ESM1: variants seen among roughly 807,000 people sequenced by gnomAD.
ESM1 encodes endothelial cell specific molecule 1, also known as endothelial cell-specific molecule 1.
In ESM1, 7 loss-of-function variants were observed where a neutral mutation model predicts 14.9. That is an observed-to-expected ratio of 0.47 (90% CI 0.27 to 0.88). The LOEUF is 0.88. ESM1 is among the 40% of genes least tolerant of loss of function. ESM1 has a pLI of 0.14. For missense variants in ESM1, 192 were observed against 237.9 expected (o/e 0.81, Z 1.27); for synonymous variants, 89 against 89.4 (o/e 1.00, Z 0.02).
In ESM1 at chr5:54,978,319, T is replaced by C. The variant is rs1743977239; in HGVS notation, c.*1013A>G. On this transcript the variant is annotated 3_prime_UTR_variant, in exon 3 of 3. Coordinates refer to ENST00000381405, the MANE Select transcript of ESM1 (RefSeq NM_007036.5). ...ATAAGGACCCTCTGTTGCTCATTTTTTGACATTTTTGAAATCCAGAGTGAC... is the reference window on the plus strand; with the variant it reads ...ATAAGGACCCTCTGTTGCTCATTTTCTGACATTTTTGAAATCCAGAGTGAC... 1 of 152,150 alleles carries C rather than the reference T, an allele frequency of 6.6e-6. No individual in the cohort carries two copies. Among genetic ancestry groups the C allele is most frequent in the Admixed American group, 6.5e-5 (1 of 15,268 alleles). The allele number at this position is 152,150 out of a possible 1,614,324, so 9.4% of individuals were successfully genotyped here.
intron 1 of ESM1, among the ~76,000 whole-genome samples, chr5:54,982,971 T>C (rs1740422246): frequency 6.6e-6 from 1 of 152,214 alleles, no homozygotes; most frequent in African/African-American, 2.4e-5. Context: ...ATGCTGTTTT[T>C]AGGATAAACA....
intron 2 of ESM1, among the ~76,000 whole-genome samples, chr5:54,981,018 T>G (rs1352358382): frequency 6.6e-6 from 1 of 152,176 alleles, no homozygotes; most frequent in Non-Finnish European, 1.5e-5. Flanking sequence ...TTTTATAATT[T>G]TAAATACAGT....
chr5:54,982,665 C>G (rs1002268744), intron 1 of ESM1, among the ~76,000 whole-genome samples: 22 of 152,206 alleles, frequency 1.4e-4, no homozygotes, highest in African/African-American at 5.3e-4. Context: ...ATGAAGCAAT[C>G]AATCTTCCAT....
At chr5:54,985,118 T>C in intron 1 of ESM1, 99 bp downstream of exon 1, 3 of 1,087,084 alleles carry the variant, frequency 2.8e-6, no homozygotes, top group Non-Finnish European at 4.0e-6. Context: ...ACCTGCCTTT[T>C]CCCTCTTACT....
At chr5:54,980,861 T>C (rs1268480502) in intron 2 of ESM1, among the ~76,000 whole-genome samples, 1 of 152,198 alleles carries the variant, frequency 6.6e-6, no homozygotes, top group African/African-American at 2.4e-5. Context: ...AGTTTATATT[T>C]TATTAACTTG....
In ESM1 at chr5:54,985,552, G is replaced by A. The variant is rs1290364089; in HGVS notation, c.-35C>T. ...CTGCCTCCGGCTCGGCTCTCCAGTC[G>A]TGGTCTTTGCTGGTGGGAAGCAGCC... On this transcript the variant is annotated 5_prime_UTR_variant, in exon 1 of 3. In the 5' UTR this introduces an upstream ATG that the reference lacks. Coordinates refer to ENST00000381405, the MANE Select transcript of ESM1 (RefSeq NM_007036.5). 1 of 1,555,604 alleles carries A rather than the reference G, an allele frequency of 6.4e-7. No homozygotes were observed. The highest frequency in any genetic ancestry group is 8.7e-7 in the Non-Finnish European group (1 of 1,147,776).
chr5:54,983,456 C>G (rs190028802), intron 1 of ESM1, among the ~76,000 whole-genome samples: 1 of 152,312 alleles, frequency 6.6e-6, no homozygotes, highest in East Asian at 1.9e-4. Context: ...GATTGTTAAT[C>G]TGGGCAAGAT....
intron 2 of ESM1, among the ~76,000 whole-genome samples, chr5:54,981,654 T>C (rs892877304): frequency 6.6e-6 from 1 of 152,242 alleles, no homozygotes; most frequent in Non-Finnish European, 1.5e-5. Context: ...CTAGTAAATA[T>C]ATAAAACAGA....
At chr5:54,984,786 T>A (rs1223316563) in intron 1 of ESM1, among the ~76,000 whole-genome samples, 1 of 152,164 alleles carries the variant, frequency 6.6e-6, no homozygotes, top group Non-Finnish European at 1.5e-5. Flanking sequence ...GTGGACCCTT[T>A]CAAGATCAAA....
Position 54,979,392 on chromosome 5 carries a change from T to A in ESM1, c.495A>T (p.Glu165Asp). Reference sequence around the variant, plus strand: ...ACCCGGCAGCATTCTCTTTCACAACTTCTTCTCTCACAATATTGCCATCTC... The same window carrying A: ...ACCCGGCAGCATTCTCTTTCACAACATCTTCTCTCACAATATTGCCATCTC... ...ASGDGNIVRE[E>D]VVKENAAGSP... Residue 165 changes from glutamate to aspartate, a missense_variant, in exon 3 of 3, where the codon GAA becomes GAT. Glu to Asp is a conservative substitution (Grantham distance 45). Coordinates refer to ENST00000381405, the MANE Select transcript of ESM1 (RefSeq NM_007036.5). 4 of 1,613,604 alleles carry A rather than the reference T, an allele frequency of 2.5e-6. No homozygotes were observed. Among genetic ancestry groups the A allele is most frequent in the Non-Finnish European group, 3.4e-6 (4 of 1,179,652 alleles).
intron 1 of ESM1, among the ~76,000 whole-genome samples, chr5:54,982,686 C>A (rs1211710964): frequency 6.6e-6 from 1 of 152,198 alleles, no homozygotes; most frequent in Non-Finnish European, 1.5e-5. Context: ...CTGCTCCAAC[C>A]CTTATCAAGT....
chr5:54,982,173 G>A, intron 1 of ESM1, 27 bp from the exon 2 acceptor site: 1 of 1,610,702 alleles, frequency 6.2e-7, no homozygotes, highest in Admixed American at 1.7e-5. Flanking sequence ...GGTTGGAGAG[G>A]ACGCTGCTTG....
In ESM1 at chr5:54,985,412, C is replaced by T; in HGVS notation, c.106G>A (p.Glu36Lys). Reference sequence around the variant, plus strand: ...TTGCAGCGCGGGCTGCTTTTGCACTCACTGCTGTCACAGTGTTGAGGGCAG... The same window carrying T: ...TTGCAGCGCGGGCTGCTTTTGCACTTACTGCTGTCACAGTGTTGAGGGCAG... ...VDCPQHCDSS[E>K]CKSSPRCKRT... The change falls in exon 1 of 3, where the codon GAG becomes AAG. Residue 36 changes from glutamate (E) to lysine (K), a missense_variant. Coordinates refer to ENST00000381405, the MANE Select transcript of ESM1 (RefSeq NM_007036.5). 6.2e-7 allele frequency: 1 copy of T among 1,614,216 alleles called. No homozygotes were observed. Among genetic ancestry groups the T allele is most frequent in the Non-Finnish European group, 8.5e-7 (1 of 1,180,040 alleles).
chr5:54,983,569 G>C (rs1740439228), intron 1 of ESM1, among the ~76,000 whole-genome samples: 1 of 152,158 alleles, frequency 6.6e-6, no homozygotes, highest in African/African-American at 2.4e-5. Context: ...GGAGATGATT[G>C]CCAAATGTAT....
chr5:54,981,566 A>T (rs531039570), intron 2 of ESM1, among the ~76,000 whole-genome samples: 14 of 152,338 alleles, frequency 9.2e-5, no homozygotes, highest in African/African-American at 3.4e-4. Flanking sequence ...TATATTTTCT[A>T]TCTTGACTCT....
intron 1 of ESM1, among the ~76,000 whole-genome samples, chr5:54,984,941 C>A (rs1220871562): frequency 6.6e-6 from 1 of 152,184 alleles, no homozygotes; most frequent in Non-Finnish European, 1.5e-5. Context: ...AGAAAAGGAG[C>A]CAACACAATC....
intron 2 of ESM1, among the ~76,000 whole-genome samples, chr5:54,981,009 T>A (rs943994912): frequency 6.6e-6 from 1 of 152,190 alleles, no homozygotes; most frequent in Non-Finnish European, 1.5e-5. Context: ...TTATTTATTT[T>A]TTATAATTTT....
chr5:54,983,465 A>G (rs1158144602), intron 1 of ESM1, among the ~76,000 whole-genome samples: 1 of 152,250 alleles, frequency 6.6e-6, no homozygotes, highest in African/African-American at 2.4e-5. Context: ...TCTGGGCAAG[A>G]TGTTCACAGA....
At chr5:54,985,175 C>G in intron 1 of ESM1, 42 bp downstream of exon 1, 1 of 1,538,536 alleles carries the variant, frequency 6.5e-7, no homozygotes, top group Non-Finnish European at 8.8e-7. Context: ...TAAAAGCTCT[C>G]AGCATGCCCC....
Sources: gnomAD v4.1 joint callset for allele counts (sites outside exome capture counted in the v4.1 genomes callset) on GRCh38, gnomAD v4.1.1 for gene constraint, MANE v1.5 for transcripts, NCBI Gene and HGNC (gene_info 2026-07-23, HGNC 2026-07-21) for gene names.